MRC2: variants seen among roughly 807,000 people sequenced by gnomAD.
The protein encoded by MRC2 is mannose receptor C-type 2, also known as C-type mannose receptor 2.
A neutral mutation model predicts 206.2 loss-of-function variants in MRC2; 84 were observed. The ratio of observed to expected loss-of-function variants is 0.41; its 90% CI spans 0.34 to 0.49. MRC2 has a LOEUF of 0.49. Ranked by LOEUF, MRC2 falls within the 20% of genes least tolerant of loss-of-function variation. MRC2 has a pLI of 0.31. For synonymous variants in MRC2, 798 were observed against 800.0 expected, an observed-to-expected ratio of 1.00 and a Z score of 0.04; for missense variants, 1,676 against 2,001.5, an observed-to-expected ratio of 0.84 and a Z score of 3.10.
At chr17:62,653,118 G>C (rs1245829515) in intron 1 of MRC2, among the ~76,000 whole-genome samples, 1 of 152,182 alleles carries the variant, frequency 6.6e-6, no homozygotes, top group African/African-American at 2.4e-5. Flanking sequence ...GCGCTGCCCG[G>C]AGCAGAGGCT....
intron 11 of MRC2, 114 bp downstream of exon 11, chr17:62,676,645 G>A: frequency 2.3e-6 from 3 of 1,310,898 alleles, no homozygotes; most frequent in Admixed American, 2.6e-5. Context: ...GGTGCACTGT[G>A]GTGTAGTGTC....
chr17:62,680,413 C>T lies in MRC2; in HGVS notation c.2438-5C>T, dbSNP rs564066835. ...CTCACAACGTCTTTGTCCTTGTTCC[C>T]CTAGGTACGGACGTGCGGGAGCCCG... On this transcript the variant is annotated splice_region_variant and splice_polypyrimidine_tract_variant and intron_variant, in intron 15 of 29. Transcript: ENST00000303375. The surrounding 1 kb of genome is among the most constrained non-coding windows in gnomAD (Gnocchi z 4.8). The T allele has an allele frequency of 1.2e-6, 2 of 1,614,154 alleles. No homozygotes were observed. The highest frequency in any genetic ancestry group is 1.1e-5 in the South Asian group (1 of 91,084).
rs908981634 is a variant in MRC2, at chr17:62,627,992, C to T, written c.118+72C>T. ...GCGCCGAGGCGCGGGCCGCTCTCGA[C>T]TTTTCCCTCCTTTTCCCCCCTCTTT... On this transcript the variant is annotated intron_variant, in intron 1 of 29. Coordinates refer to ENST00000303375, the MANE Select transcript of MRC2 (RefSeq NM_006039.5). 23 of 926,144 alleles carry T rather than the reference C, an allele frequency of 2.5e-5. No homozygotes were observed. The African/African-American group carries it at 3.7e-4, about 15-fold the overall frequency. The allele number at this position is 926,144 out of a possible 1,614,324, so 57.4% of individuals were successfully genotyped here.
At position 62,664,737 on chromosome 17, in the gene MRC2, C is replaced by A; in HGVS notation, c.308C>A (p.Thr103Asn). 1 of 1,614,026 alleles carries A rather than the reference C, an allele frequency of 6.2e-7. No individual in the cohort carries two copies. Among genetic ancestry groups the A allele is most frequent in the Non-Finnish European group, 8.5e-7 (1 of 1,180,034 alleles). The change falls in exon 2 of 30, where the codon ACC becomes AAC. Residue 103 changes from threonine (T) to asparagine (N), a missense_variant. Around this residue, in one of 3 missense-constraint regions of MRC2, gnomAD observed 318 missense variants for 346.7 expected, o/e 0.92. Coordinates refer to ENST00000303375, the MANE Select transcript of MRC2 (RefSeq NM_006039.5). This position sits in a 1 kb window ranked among gnomAD's most constrained non-coding sequence, Gnocchi z 4.7. Reference sequence around the variant, plus strand: ...GGCACAGGCTGGCCAGGCACCAACACCACGGCCTCCCTGGGCATGTATGAG... The same window carrying A: ...GGCACAGGCTGGCCAGGCACCAACAACACGGCCTCCCTGGGCATGTATGAG... ...CLGTGWPGTN[T>N]TASLGMYECD...
chr17:62,679,900 G>A lies in MRC2; in HGVS notation c.2296G>A (p.Gly766Arg). ...GQSWRWSDGV[G>R]FSYHNFDRSR... Reference sequence around the variant, plus strand: ...GAGTTGGCGCTGGAGCGACGGCGTAGGGGTGAGGGGGCCTGGGGTACTTGG... The same window carrying A: ...GAGTTGGCGCTGGAGCGACGGCGTAAGGGTGAGGGGGCCTGGGGTACTTGG... The change falls in exon 14 of 30, where the codon GGG (glycine) becomes AGG (arginine). Residue 766 changes from glycine (G) to arginine (R), a missense_variant and splice_region_variant. Gly to Arg is a moderately radical substitution (Grantham distance 125). Around this residue, in one of 3 missense-constraint regions of MRC2, gnomAD observed 1,354 missense variants for 1,636.6 expected, o/e 0.83. Coordinates refer to ENST00000303375, the MANE Select transcript of MRC2 (RefSeq NM_006039.5). 1 of 1,612,150 alleles carries A rather than the reference G, an allele frequency of 6.2e-7. No homozygotes were observed. The highest frequency in any genetic ancestry group is 2.2e-5 in the East Asian group (1 of 44,802).
chr17:62,644,476 G>A (rs2088449861), intron 1 of MRC2, among the ~76,000 whole-genome samples: 1 of 152,194 alleles, frequency 6.6e-6, no homozygotes, highest in Non-Finnish European at 1.5e-5. Flanking sequence ...TGTAATCTCA[G>A]CACTTTGGGA....
chr17:62,628,006 T>C (rs964703647), intron 1 of MRC2, 86 bp downstream of exon 1: 107 of 872,906 alleles, frequency 1.2e-4, no homozygotes, highest in South Asian at 3.1e-4. Flanking sequence ...TCCCTCCTTT[T>C]CCCCCCTCTT....
In MRC2 at chr17:62,688,408, G is replaced by C. The variant is rs370497425; in HGVS notation, c.3061+5G>C. On this transcript the variant is annotated splice_donor_5th_base_variant and intron_variant, in intron 21 of 29. Coordinates refer to ENST00000303375, the MANE Select transcript of MRC2 (RefSeq NM_006039.5). ...TCACAAACCCCTTAGAGCAAGGTAG[G>C]GCCAGCCTATGGGGAGCCCCCAGTA... is the stretch of plus-strand genomic sequence containing the variant. 5 of 1,614,058 alleles carry C rather than the reference G, an allele frequency of 3.1e-6. No individual in the cohort carries two copies. The African/African-American group carries it at 6.7e-5, about 22-fold the overall frequency.
rs1256833540 is a variant in MRC2 at position 62,667,137 on chromosome 17, G to C, written c.974-253G>C. On this transcript the variant is annotated intron_variant, in intron 5 of 29. Transcript: ENST00000303375. This position sits in a 1 kb window ranked among gnomAD's most constrained non-coding sequence, Gnocchi z 4.1. ...TGGGCAGCGGGCACCAGCGCACCCA[G>C]CAGCCTGGACGGGGAGGCCGGGGCG... is the stretch of plus-strand genomic sequence containing the variant. Among the ~76,000 whole-genome samples, 4 of 152,188 alleles carry C rather than the reference G, an allele frequency of 2.6e-5. No homozygotes were observed.
intron 18 of MRC2, chr17:62,681,405 AC>A (rs2088964986): frequency 1.8e-6 from 1 of 545,498 alleles, no homozygotes; most frequent in East Asian, 3.1e-5. Context: ...AGCTCCTGTT[AC>A]GTCTGGTGTC....
At chr17:62,661,563 TCC>T (rs2088681450) in intron 1 of MRC2, 1 of 121,900 alleles carries the variant, frequency 8.2e-6, no homozygotes, top group African/African-American at 3.1e-5. Flanking sequence ...TCTTTCTTTC[TCC>T]TTCCTTCCTT....
chr17:62,683,528 T>C (rs1340247697), intron 20 of MRC2, among the ~76,000 whole-genome samples: 13 of 149,550 alleles, frequency 8.7e-5, no homozygotes, highest in African/African-American at 3.2e-4. Context: ...TTTTTTTTTT[T>C]TTTTACTAGT....
In MRC2 at chr17:62,692,296, C is replaced by T. The variant is rs777383118; in HGVS notation, c.4285C>T (p.Leu1429=). Residue 1429 remains leucine (L), a synonymous_variant, in exon 30 of 30, where the codon CTG becomes TTG. Transcript: ENST00000303375. This position sits in a 1 kb window ranked among gnomAD's most constrained non-coding sequence, Gnocchi z 4.2. ...GGCGGTGCTGCTGCTCCTGGCCTTG[C>T]TGACCGCAGCCCTCATCCTTTACCG... ...LMAVLLLLAL[L]TAALILYRRR... is the part of the protein sequence containing the mutation. 2 of 1,595,874 alleles carry T rather than the reference C, an allele frequency of 1.3e-6. No homozygotes were observed. The highest frequency in any genetic ancestry group is 3.5e-5 in the Admixed American group (2 of 56,916).
At chr17:62,661,511 CTTTTCTTT>C (rs1391342136) in intron 1 of MRC2, 3 of 147,592 alleles carry the variant, frequency 2.0e-5, no homozygotes, top group African/African-American at 7.8e-5. Context: ...TCCTTTCTTT[CTTTTCTTT>C]CTTTCTTTCT....
rs192541203 is a variant in MRC2 at position 62,665,972 on chromosome 17, C to T, written c.521-122C>T. 10 of 1,045,932 alleles carry T rather than the reference C, an allele frequency of 9.6e-6. No individual in the cohort carries two copies. The East Asian group carries it at 2.7e-4, about 28-fold the overall frequency. The allele number at this position is 1,045,932 out of a possible 1,614,324, so 64.8% of individuals were successfully genotyped here. Reference sequence around the variant, plus strand: ...CTATGGGGTGCCATTGCCTCTCCCACCTGCTGATCCCTGTGAACACCCAGC... The same window carrying T: ...CTATGGGGTGCCATTGCCTCTCCCATCTGCTGATCCCTGTGAACACCCAGC... On this transcript the variant is annotated intron_variant, in intron 2 of 29. Coordinates refer to ENST00000303375, the MANE Select transcript of MRC2 (RefSeq NM_006039.5).
In MRC2 at chr17:62,671,680, G is replaced by A. The variant is rs1360648085; in HGVS notation, c.1149G>A (p.Glu383=). 5.0e-6 allele frequency: 8 copies of A among 1,602,844 alleles called. No homozygotes were observed. Among genetic ancestry groups the A allele is most frequent in the Non-Finnish European group, 6.8e-6 (8 of 1,174,142 alleles). ...DRWANVKVEC[E]PSWQPFQGHC... The stretch of plus-strand genomic sequence containing the variant: ...GGGCCAATGTGAAGGTGGAGTGCGA[G>A]CCGAGCTGGCAGCCCTTCCAGGGCC... Residue 383 remains glutamate, a synonymous_variant, in exon 7 of 30, where the codon GAG becomes GAA. Transcript: ENST00000303375. This position sits in a 1 kb window ranked among gnomAD's most constrained non-coding sequence, Gnocchi z 4.5.
At position 62,679,916 on chromosome 17, in the gene MRC2, G is replaced by C. The variant is rs372909251; in HGVS notation, c.2298+14G>C. 4 of 1,607,460 alleles carry C rather than the reference G, an allele frequency of 2.5e-6. No homozygotes were observed. Among genetic ancestry groups the C allele is most frequent in the Non-Finnish European group, 3.4e-6 (4 of 1,177,120 alleles). On this transcript the variant is annotated intron_variant, in intron 14 of 29. Coordinates refer to ENST00000303375, the MANE Select transcript of MRC2 (RefSeq NM_006039.5). ...GACGGCGTAGGGGTGAGGGGGCCTG[G>C]GGTACTTGGGACTGCGAGGCCGGGA...
Position 62,671,843 on chromosome 17 carries a change from G to A in MRC2, c.1306+6G>A, listed in dbSNP as rs769031052. 97 of 1,590,738 alleles carry A rather than the reference G, an allele frequency of 6.1e-5. No homozygotes were observed. Among genetic ancestry groups the A allele is most frequent in the Non-Finnish European group, 8.0e-5 (93 of 1,165,110 alleles). On this transcript the variant is annotated splice_donor_region_variant and intron_variant, in intron 7 of 29. Transcript: ENST00000303375. The surrounding 1 kb of genome is among the most constrained non-coding windows in gnomAD (Gnocchi z 4.5). ...CACCAAGCAGATCAAGCAAGGTGAG[G>A]AGCTGCCCGCCCACGTGTCTGGGTG...
chr17:62,633,130 C>T (rs1262241134), intron 1 of MRC2, among the ~76,000 whole-genome samples: 1 of 152,092 alleles, frequency 6.6e-6, no homozygotes, highest in Non-Finnish European at 1.5e-5. Context: ...AGATCATGAA[C>T]GTATGAGATA....
Sources: allele counts gnomAD v4.1 joint callset (sites outside exome capture counted in the v4.1 genomes callset), GRCh38; gene constraint gnomAD v4.1.1; regional missense constraint gnomAD v4.1.1; non-coding constraint Gnocchi (gnomAD v3.1); transcripts MANE v1.5; gene names NCBI Gene and HGNC (gene_info 2026-07-23, HGNC 2026-07-21).